The following ZNF536 variants were observed in gnomAD, a reference collection of about 807,000 sequenced individuals.
ZNF536 encodes zinc finger protein 536.
In ZNF536, 13 loss-of-function variants were observed where a neutral mutation model predicts 84.5. That is an observed-to-expected ratio of 0.15 (90% CI 0.10 to 0.24). The LOEUF (loss-of-function observed/expected upper bound fraction) is 0.24. Ranked by LOEUF, ZNF536 falls within the 10% of genes least tolerant of loss-of-function variation. The pLI, the probability that ZNF536 is intolerant of heterozygous loss-of-function variation, is 1.00. For synonymous variants in ZNF536, 811 were observed against 742.5 expected (o/e 1.09, Z -1.50); for missense variants, 1,536 against 1,747.5 (o/e 0.88, Z 2.16).
intron 1 of ZNF536, among the ~76,000 whole-genome samples, chr19:30,624,736 G>T (rs1281551507): frequency 6.6e-6 from 1 of 152,092 alleles, no homozygotes; most frequent in African/African-American, 2.4e-5. Context: ...GTTTGGCTTT[G>T]TATCCCCCAC....
chr19:30,557,059 A>G (rs560607029), intron 4 of ZNF536, 98 bp from the exon 5 acceptor site: 1 of 1,312,368 alleles, frequency 7.6e-7, no homozygotes, highest in South Asian at 1.3e-5. Context: ...TCATTATTCC[A>G]TTAAACGATT....
chr19:30,525,781 C>T (rs768988707), intron 2 of ZNF536, among the ~76,000 whole-genome samples: 3 of 152,086 alleles, frequency 2.0e-5, no homozygotes, highest in Non-Finnish European at 4.4e-5. Context: ...GGAGAAGGGA[C>T]GTAGCCTCAG....
chr19:30,251,673 GC>G (rs973963471), intron 1 of ZNF536, among the ~76,000 whole-genome samples: 1 of 152,044 alleles, frequency 6.6e-6, no homozygotes, highest in Non-Finnish European at 1.5e-5. Flanking sequence ...ATTTTGGTGC[GC>G]CCATCTCCTG....
At chr19:30,478,158 T>G (rs977252725) in intron 2 of ZNF536, among the ~76,000 whole-genome samples, 5 of 123,670 alleles carry the variant, frequency 4.0e-5, no homozygotes, top group African/African-American at 1.7e-4. Context: ...CCTTGGTGTT[T>G]TTTTTTTTTT....
intron 2 of ZNF536, among the ~76,000 whole-genome samples, chr19:30,501,962 C>T (rs186057868): frequency 4.6e-5 from 7 of 152,304 alleles, no homozygotes; most frequent in Non-Finnish European, 8.8e-5. Context: ...AGGGATATAG[C>T]TCCAGGGGAG....
chr19:30,565,182 T>A (rs1165103395), intron 1 of ZNF536, among the ~76,000 whole-genome samples: 1 of 151,748 alleles, frequency 6.6e-6, no homozygotes, highest in Non-Finnish European at 1.5e-5. Context: ...TTTTTTTTTT[T>A]TAACTTATCA....
intron 2 of ZNF536, among the ~76,000 whole-genome samples, chr19:30,309,572 G>A (rs1188724791): frequency 1.3e-5 from 2 of 152,172 alleles, no homozygotes; most frequent in Non-Finnish European, 2.9e-5. Flanking sequence ...GTGAGTTCTT[G>A]TAGTGTTTTA....
chr19:30,513,099 C>T (rs900629826), intron 2 of ZNF536, among the ~76,000 whole-genome samples: 3 of 151,978 alleles, frequency 2.0e-5, no homozygotes, highest in Non-Finnish European at 2.9e-5. Flanking sequence ...TCACAAGACA[C>T]GTGACACATT....
At chr19:30,652,427 G>A (rs2049742650) in intron 1 of ZNF536, among the ~76,000 whole-genome samples, 1 of 152,102 alleles carries the variant, frequency 6.6e-6, no homozygotes, top group Non-Finnish European at 1.5e-5. Context: ...ACTAAATGTC[G>A]TGAATGGAAG....
rs568868015 is a variant in ZNF536, at chr19:30,308,944, G to A, written c.-120+24803G>A. On this transcript the variant is annotated intron_variant, in intron 2 of 5. Coordinates refer to the ZNF536 transcript ENST00000585628. ...ATTCAATGACAGTGTGATTCGTGGCGTCCCCCCAGCCCTGTCCCCTGCCCA... is the reference window on the plus strand; with the variant it reads ...ATTCAATGACAGTGTGATTCGTGGCATCCCCCCAGCCCTGTCCCCTGCCCA... 1.1e-4 allele frequency among the ~76,000 whole-genome samples: 16 copies of A among 152,096 alleles called. No individual in the cohort carries two copies. The South Asian group carries it at 2.1e-3, about 20-fold the overall frequency.
intron 2 of ZNF536, among the ~76,000 whole-genome samples, chr19:30,475,857 C>T (rs1174647823): frequency 6.6e-6 from 1 of 152,202 alleles, no homozygotes; most frequent in Non-Finnish European, 1.5e-5. Flanking sequence ...TTCCTGCCCA[C>T]ATCTAAAGGT....
chr19:30,356,922 C>G (rs1325188157), intron 3 of ZNF536, among the ~76,000 whole-genome samples: 1 of 152,186 alleles, frequency 6.6e-6, no homozygotes, highest in Non-Finnish European at 1.5e-5. Flanking sequence ...AGAGCCTGAT[C>G]CCTTCTTCCT....
chr19:30,293,056 G>T (rs2045891883), intron 2 of ZNF536, among the ~76,000 whole-genome samples: 1 of 152,100 alleles, frequency 6.6e-6, no homozygotes, highest in African/African-American at 2.4e-5. Context: ...TGTTGTTTGG[G>T]GTGAATCGTA....
chr19:30,245,991 G>C (rs896391139), intron 1 of ZNF536, among the ~76,000 whole-genome samples: 9 of 152,210 alleles, frequency 5.9e-5, no homozygotes, highest in African/African-American at 2.2e-4. Context: ...GTCGCTCTGT[G>C]TTCTTGTCTT....
At position 30,480,457 on chromosome 19, in the gene ZNF536, C is replaced by T. The variant is rs951023494; in HGVS notation, c.2170+34725C>T. Among the ~76,000 whole-genome samples, 5 of 151,992 alleles carry T rather than the reference C, an allele frequency of 3.3e-5. No individual in the cohort carries two copies. In the South Asian group the frequency reaches 1.0e-3, roughly 32 times the overall value. ...GCAAACTAATACAGGAACAGAAAAC[C>T]AAACACCGGATGTTCTCACTCATAA... On this transcript the variant is annotated intron_variant, in intron 2 of 4. Transcript: ENST00000355537.
At chr19:30,592,214 G>A (rs1362434690) in intron 1 of ZNF536, among the ~76,000 whole-genome samples, 1 of 152,132 alleles carries the variant, frequency 6.6e-6, no homozygotes, top group African/African-American at 2.4e-5. Flanking sequence ...TCCATTTTGG[G>A]ATAAATTATC....
At chr19:30,233,625 G>A (rs536926418) in intron 1 of ZNF536, among the ~76,000 whole-genome samples, 11 of 152,238 alleles carry the variant, frequency 7.2e-5, no homozygotes, top group African/African-American at 2.2e-4. Flanking sequence ...TGGGATTACA[G>A]GCATGAGGCA....
chr19:30,649,623 G>A (rs993209576), intron 1 of ZNF536, among the ~76,000 whole-genome samples: 7 of 149,730 alleles, frequency 4.7e-5, no homozygotes, highest in African/African-American at 1.7e-4. Flanking sequence ...AAGTTATGTG[G>A]CAAAGTGAAA....
chr19:30,571,668 C>A (rs2046550088), intron 1 of ZNF536, among the ~76,000 whole-genome samples: 1 of 152,252 alleles, frequency 6.6e-6, no homozygotes, highest in South Asian at 2.1e-4. Context: ...TTCTCTGTGA[C>A]CTTTGGCCAG....
Sources: gnomAD v4.1 joint callset for allele counts (sites outside exome capture counted in the v4.1 genomes callset) on GRCh38, gnomAD v4.1.1 for gene constraint, MANE v1.5 for transcripts, NCBI Gene and HGNC (gene_info 2026-07-23, HGNC 2026-07-21) for gene names.